The following NCKAP5 variants were observed in gnomAD, a reference collection of about 807,000 sequenced individuals.
NCKAP5 encodes NCK associated protein 5, also known as nck-associated protein 5.
Under a neutral mutation model 167.0 loss-of-function variants are expected in NCKAP5, and 92 were observed. That is an observed-to-expected ratio of 0.55 (90% CI 0.47 to 0.66). The LOEUF (loss-of-function observed/expected upper bound fraction) is 0.66, where lower values mean the gene tolerates loss of function less well. NCKAP5 is among the 30% of genes least tolerant of loss of function. The pLI, the probability that NCKAP5 is intolerant of heterozygous loss-of-function variation, is 0.00. For synonymous variants in NCKAP5, 891 were observed against 877.4 expected, an observed-to-expected ratio of 1.02 and a Z score of -0.27; for missense variants, 2,378 against 2,315.0, an observed-to-expected ratio of 1.03 and a Z score of -0.56.
chr2:132,734,950 G>A (rs907521059), intron 16 of NCKAP5, among the ~76,000 whole-genome samples: 4 of 152,232 alleles, frequency 2.6e-5, no homozygotes, highest in Non-Finnish European at 5.9e-5. Context: ...CAGGCAAGGT[G>A]CCCAGCTTTT....
rs542980151 is a variant in NCKAP5 at position 132,846,502 on chromosome 2, G to A, written c.807+13990C>T. Among the ~76,000 whole-genome samples, 10 of 151,944 alleles carry A rather than the reference G, an allele frequency of 6.6e-5. No homozygotes were observed. The East Asian group carries it at 9.7e-4, about 15-fold the overall frequency. On this transcript the variant is annotated intron_variant, in intron 11 of 19. Coordinates refer to ENST00000409261, the MANE Select transcript of NCKAP5 (RefSeq NM_207363.3). ...GTATTTTTAGTAGAGATGGGGTCTT[G>A]CGATGTTGGCCAGGTTGGTCTCAAA...
chr2:133,107,826 G>A (rs1347813611), intron 6 of NCKAP5, among the ~76,000 whole-genome samples: 1 of 152,226 alleles, frequency 6.6e-6, no homozygotes, highest in Non-Finnish European at 1.5e-5. Flanking sequence ...TGCCCATCAT[G>A]AAGGCATATT....
In NCKAP5 at chr2:132,796,677, A is replaced by G. The variant is rs368010991; in HGVS notation, c.860T>C (p.Val287Ala). The change falls in exon 12 of 20, where the codon GTG becomes GCG. Residue 287 changes from valine to alanine, a missense_variant. Transcript: ENST00000409261. The part of the protein sequence containing the change: ...DLSSGDLLSE[V>A]ERNRSLTQSR... The stretch of plus-strand genomic sequence containing the variant: ...CTGTGTCAGACTTCGGTTTCTTTCC[A>G]CCTCTGAAAGCAAATCTCCAGATGA... The G allele has an allele frequency of 4.2e-5, 68 of 1,613,268 alleles. No individual in the cohort carries two copies. Among genetic ancestry groups the G allele is most frequent in the South Asian group, 4.0e-4 (36 of 90,924 alleles).
chr2:133,643,499 T>A, the NCKAP5 span, among the ~76,000 whole-genome samples: 1 of 152,184 alleles, frequency 6.6e-6, no homozygotes, highest in East Asian at 1.9e-4. Context: ...AGCCCCTTCA[T>A]CTGTTTGACA....
the NCKAP5 span, among the ~76,000 whole-genome samples, chr2:133,602,886 G>A: frequency 6.6e-6 from 1 of 152,212 alleles, no homozygotes; most frequent in East Asian, 1.9e-4. Context: ...TCTGCTGAAT[G>A]TCAGGGCAGT....
chr2:132,759,061 T>C (rs878973734), intron 16 of NCKAP5, among the ~76,000 whole-genome samples: 3 of 152,196 alleles, frequency 2.0e-5, no homozygotes, highest in Admixed American at 2.0e-4. Flanking sequence ...TACCATATTG[T>C]TTAGTTTTGC....
At chr2:132,886,043 C>T (rs1052116323) in intron 8 of NCKAP5, among the ~76,000 whole-genome samples, 3 of 152,152 alleles carry the variant, frequency 2.0e-5, no homozygotes, top group Admixed American at 1.3e-4. Context: ...TGGGCTGTAC[C>T]TTTGGTTTTG....
chr2:132,679,026 C>T (rs1272758646), intron 19 of NCKAP5, among the ~76,000 whole-genome samples: 4 of 152,250 alleles, frequency 2.6e-5, no homozygotes, highest in East Asian at 1.9e-4. Context: ...CCAACCCTAA[C>T]ACCCCCTTCC....
At chr2:132,742,677 T>C (rs186817768) in intron 16 of NCKAP5, among the ~76,000 whole-genome samples, 19 of 152,046 alleles carry the variant, frequency 1.2e-4, no homozygotes, top group Non-Finnish European at 2.1e-4. Flanking sequence ...CAGTATTAAT[T>C]ACTTTTTCAA....
intron 19 of NCKAP5, among the ~76,000 whole-genome samples, chr2:132,689,469 C>T (rs1171904728): frequency 6.6e-6 from 1 of 152,198 alleles, no homozygotes; most frequent in Non-Finnish European, 1.5e-5. Flanking sequence ...GCTGTTACCA[C>T]TATTTTTAAG....
chr2:133,569,734 A>G (rs555905502), upstream of NCKAP5, among the ~76,000 whole-genome samples: 1 of 152,216 alleles, frequency 6.6e-6, no homozygotes, highest in African/African-American at 2.4e-5. Context: ...TCTGAAAATT[A>G]TTTCCTCAAA....
At chr2:133,425,110 G>A (rs1689709246) in intron 3 of NCKAP5, among the ~76,000 whole-genome samples, 4 of 152,140 alleles carry the variant, frequency 2.6e-5, no homozygotes, top group African/African-American at 9.7e-5. Context: ...GTCAGTCTGC[G>A]GGAATTCCCC....
At chr2:132,802,726 CA>C (rs1477740990) in intron 11 of NCKAP5, among the ~76,000 whole-genome samples, 2 of 152,106 alleles carry the variant, frequency 1.3e-5, no homozygotes, top group Admixed American at 6.5e-5. Context: ...TAAGGATCTC[CA>C]AAAGGAAGGT....
chr2:132,776,565 G>T (rs996631991), intron 15 of NCKAP5, among the ~76,000 whole-genome samples: 1 of 152,160 alleles, frequency 6.6e-6, no homozygotes, highest in Non-Finnish European at 1.5e-5. Context: ...CTCACTGGGG[G>T]AAATTGTGAA....
At chr2:133,296,861 G>A (rs951928361) in intron 4 of NCKAP5, among the ~76,000 whole-genome samples, 6 of 151,922 alleles carry the variant, frequency 3.9e-5, no homozygotes, top group Non-Finnish European at 7.4e-5. Context: ...TTACATTTGT[G>A]GCTTGAAAGT....
At chr2:132,891,702 G>A (rs187541377) in intron 8 of NCKAP5, among the ~76,000 whole-genome samples, 2 of 152,242 alleles carry the variant, frequency 1.3e-5, no homozygotes, top group African/African-American at 2.4e-5. Context: ...AATAATAAAC[G>A]GTAATGCTTT....
chr2:133,215,690 T>C (rs185759902), intron 4 of NCKAP5, among the ~76,000 whole-genome samples: 232 of 152,296 alleles, frequency 1.5e-3, no homozygotes, highest in African/African-American at 4.7e-3. Context: ...ACTGCAAATA[T>C]GCTGTTGAGT....
At chr2:132,884,529 T>A (rs1240057033) in intron 8 of NCKAP5, among the ~76,000 whole-genome samples, 1 of 152,244 alleles carries the variant, frequency 6.6e-6, no homozygotes, top group Non-Finnish European at 1.5e-5. Context: ...GCTGGGTTTA[T>A]AATTTCTTAG....
At chr2:133,207,993 A>G (rs7601134) in intron 5 of NCKAP5, among the ~76,000 whole-genome samples, 96,358 of 152,020 alleles carry the variant, frequency 0.63, 31,319 homozygotes, top group African/African-American at 0.77. Context: ...ACTTTACAGC[A>G]GAGAAATCTG....
Sources: gnomAD v4.1 joint callset for allele counts (sites outside exome capture counted in the v4.1 genomes callset) on GRCh38, gnomAD v4.1.1 for gene constraint, MANE v1.5 for transcripts, NCBI Gene and HGNC (gene_info 2026-07-23, HGNC 2026-07-21) for gene names.